Variants in HCN1 observed in about 807,000 individuals in gnomAD.
HCN1 encodes hyperpolarization activated cyclic nucleotide gated potassium channel 1.
Under a neutral mutation model 78.9 loss-of-function variants are expected in HCN1, and 13 were observed. The ratio of observed to expected loss-of-function variants is 0.16; its 90% CI spans 0.11 to 0.26. The LOEUF (loss-of-function observed/expected upper bound fraction) is 0.26. Ranked by LOEUF, HCN1 falls within the 10% of genes least tolerant of loss-of-function variation. The pLI, the probability that HCN1 is intolerant of heterozygous loss-of-function variation, is 1.00. For synonymous variants in HCN1, 552 were observed against 455.5 expected (o/e 1.21, Z -2.70); for missense variants, 810 against 1,154.3 (o/e 0.70, Z 4.32).
At chr5:45,406,859 G>A (rs1206622595) in intron 3 of HCN1, among the ~76,000 whole-genome samples, 5 of 152,172 alleles carry the variant, frequency 3.3e-5, no homozygotes, top group African/African-American at 1.2e-4. Flanking sequence ...TGTGAGGTCA[G>A]TGAAGATAGT....
intron 2 of HCN1, among the ~76,000 whole-genome samples, chr5:45,615,852 C>G (rs1181139669): frequency 6.6e-6 from 1 of 151,830 alleles, no homozygotes; most frequent in Non-Finnish European, 1.5e-5. Flanking sequence ...AACGAATCTT[C>G]TATGGTGATG....
At chr5:45,401,342 A>T (rs1334361352) in intron 3 of HCN1, among the ~76,000 whole-genome samples, 2 of 152,126 alleles carry the variant, frequency 1.3e-5, no homozygotes, top group African/African-American at 2.4e-5. Flanking sequence ...ATCTCTAATG[A>T]AATTTTTTTT....
At chr5:45,265,353 A>T (rs1220611737) in intron 7 of HCN1, among the ~76,000 whole-genome samples, 2 of 152,194 alleles carry the variant, frequency 1.3e-5, no homozygotes, top group African/African-American at 2.4e-5. Context: ...TGTCTCTAAC[A>T]TAAACACTCA....
chr5:45,669,974 G>A (rs1049295595), intron 1 of HCN1, among the ~76,000 whole-genome samples: 2 of 151,656 alleles, frequency 1.3e-5, no homozygotes, highest in African/African-American at 4.8e-5. Flanking sequence ...TGGAATGAAG[G>A]GAGGTGTAAA....
At chr5:45,363,686 G>A (rs181276537) in intron 4 of HCN1, among the ~76,000 whole-genome samples, 1 of 151,960 alleles carries the variant, frequency 6.6e-6, no homozygotes, top group African/African-American at 2.4e-5. Flanking sequence ...AAATCATGGG[G>A]GCCAGTTTTT....
At chr5:45,681,479 G>A (rs904532897) in intron 1 of HCN1, among the ~76,000 whole-genome samples, 1 of 151,754 alleles carries the variant, frequency 6.6e-6, no homozygotes, top group South Asian at 2.1e-4. Flanking sequence ...ATTTACACAA[G>A]GGCTAATTTA....
chr5:45,309,511 A>G (rs1028180105), intron 5 of HCN1, among the ~76,000 whole-genome samples: 1 of 152,100 alleles, frequency 6.6e-6, no homozygotes, highest in African/African-American at 2.4e-5. Context: ...TTTGTCATAT[A>G]TGGCTCTTAT....
intron 4 of HCN1, among the ~76,000 whole-genome samples, chr5:45,385,063 G>T (rs1186693348): frequency 6.6e-6 from 1 of 152,078 alleles, no homozygotes; most frequent in African/African-American, 2.4e-5. Flanking sequence ...TATCTGGATG[G>T]TAATTTAGCA....
At chr5:45,363,519 T>C (rs1747167347) in intron 4 of HCN1, among the ~76,000 whole-genome samples, 1 of 151,886 alleles carries the variant, frequency 6.6e-6, no homozygotes, top group Non-Finnish European at 1.5e-5. Flanking sequence ...TAAGCCCCAA[T>C]TGTCTATAAC....
At chr5:45,519,138 A>C (rs1274709778) in intron 2 of HCN1, among the ~76,000 whole-genome samples, 1 of 152,012 alleles carries the variant, frequency 6.6e-6, no homozygotes, top group Non-Finnish European at 1.5e-5. Context: ...CAATTTTATT[A>C]GAAGGAATTT....
intron 2 of HCN1, among the ~76,000 whole-genome samples, chr5:45,499,239 A>C (rs573333712): frequency 6.6e-6 from 1 of 152,002 alleles, no homozygotes; most frequent in South Asian, 2.1e-4. Flanking sequence ...GCAGGACTCC[A>C]TGCGCATGCA....
chr5:45,375,983 T>C (rs1364089630), intron 4 of HCN1, among the ~76,000 whole-genome samples: 3 of 111,948 alleles, frequency 2.7e-5, no homozygotes, highest in Non-Finnish European at 4.8e-5. Flanking sequence ...TCACATATAT[T>C]ATATATGATA....
At chr5:45,538,033 T>TAA (rs5867703) in intron 2 of HCN1, among the ~76,000 whole-genome samples, 107 of 147,062 alleles carry the variant, frequency 7.3e-4, no homozygotes, top group East Asian at 2.4e-3. Flanking sequence ...CAATAACAGT[T>TAA]AAAAAAAAAA....
chr5:45,453,846 G>A (rs1409797914), intron 3 of HCN1, among the ~76,000 whole-genome samples: 2 of 152,118 alleles, frequency 1.3e-5, no homozygotes, highest in Non-Finnish European at 2.9e-5. Context: ...AGGATATAAC[G>A]GAGAACTAAG....
chr5:45,484,278 C>CA (rs1262526742), intron 2 of HCN1, among the ~76,000 whole-genome samples: 4 of 151,834 alleles, frequency 2.6e-5, no homozygotes, highest in African/African-American at 4.8e-5. Context: ...AAAAAAAATA[C>CA]AAAAAAATTA....
At chr5:45,616,364 G>A (rs937344997) in intron 2 of HCN1, among the ~76,000 whole-genome samples, 1 of 151,914 alleles carries the variant, frequency 6.6e-6, no homozygotes, top group African/African-American at 2.4e-5. Flanking sequence ...TATTTTAAGG[G>A]CTGAGAGTGC....
At chr5:45,406,942 C>T (rs1266147399) in intron 3 of HCN1, among the ~76,000 whole-genome samples, 1 of 152,120 alleles carries the variant, frequency 6.6e-6, no homozygotes, top group East Asian at 1.9e-4. Context: ...CTTCTTTCCA[C>T]CTAACCCCAA....
At chr5:45,423,050 G>A (rs1048640111) in intron 3 of HCN1, among the ~76,000 whole-genome samples, 5 of 151,794 alleles carry the variant, frequency 3.3e-5, no homozygotes, top group African/African-American at 1.2e-4. Flanking sequence ...GAGTACAATT[G>A]GAATGTTCCT....
intron 2 of HCN1, among the ~76,000 whole-genome samples, chr5:45,538,054 G>T (rs1190062738): frequency 6.6e-6 from 1 of 151,074 alleles, no homozygotes; most frequent in Non-Finnish European, 1.5e-5. Context: ...AAACAAATCT[G>T]CATAGTTAAT....
Sources: gnomAD v4.1 joint callset for allele counts (sites outside exome capture counted in the v4.1 genomes callset) on GRCh38, gnomAD v4.1.1 for gene constraint, MANE v1.5 for transcripts, NCBI Gene and HGNC (gene_info 2026-07-23, HGNC 2026-07-21) for gene names.